The following TRERF1 variants were observed in gnomAD, a reference collection of about 807,000 sequenced individuals.
The protein encoded by TRERF1 is transcriptional regulating factor 1, also known as transcriptional-regulating factor 1.
A neutral mutation model predicts 122.9 loss-of-function variants in TRERF1; 27 were observed. The ratio of observed to expected loss-of-function variants is 0.22; its 90% CI spans 0.16 to 0.30. The LOEUF is 0.30. TRERF1 is among the 10% of genes least tolerant of loss of function. The pLI is 1.00. For synonymous variants in TRERF1, 636 were observed against 641.7 expected, an observed-to-expected ratio of 0.99 and a Z score of 0.13; for missense variants, 1,248 against 1,560.3, an observed-to-expected ratio of 0.80 and a Z score of 3.37.
At chr6:42,282,316 G>A (rs538636276) in intron 4 of TRERF1, among the ~76,000 whole-genome samples, 1 of 152,214 alleles carries the variant, frequency 6.6e-6, no homozygotes, top group Non-Finnish European at 1.5e-5. Flanking sequence ...GGGAGGATGA[G>A]GCAGGAGGAT....
At chr6:42,258,636 G>A (rs1384504324) in intron 9 of TRERF1, among the ~76,000 whole-genome samples, 3 of 152,172 alleles carry the variant, frequency 2.0e-5, no homozygotes, top group South Asian at 2.1e-4. Context: ...GTGCTGTGGC[G>A]CGATGTCGGC....
chr6:42,241,837 G>A (rs1280889332), intron 15 of TRERF1, among the ~76,000 whole-genome samples: 2 of 152,198 alleles, frequency 1.3e-5, no homozygotes, highest in Admixed American at 6.5e-5. Context: ...GGGTGAGCCT[G>A]TAATCCCAGC....
At chr6:42,301,409 T>C (rs1786170025) in intron 3 of TRERF1, among the ~76,000 whole-genome samples, 1 of 152,154 alleles carries the variant, frequency 6.6e-6, no homozygotes, top group Non-Finnish European at 1.5e-5. Context: ...TTTGTATTTT[T>C]AGTAGAGACG....
rs202157152 is a variant in TRERF1 at position 42,377,726 on chromosome 6, G to A, written c.-453-14647C>T. Reference sequence around the variant, plus strand: ...GTTGTACGGATTTTCCAAACGCACAGTGGCTCAGGATAGCAGCCCTGAATC... The same window carrying A: ...GTTGTACGGATTTTCCAAACGCACAATGGCTCAGGATAGCAGCCCTGAATC... On this transcript the variant is annotated intron_variant, in intron 2 of 17. Coordinates refer to ENST00000372922, the Ensembl canonical transcript of TRERF1. Among the ~76,000 whole-genome samples the A allele has an allele frequency of 2.0e-5, 3 of 152,156 alleles. No individual in the cohort carries two copies. The East Asian group carries it at 5.8e-4, about 29-fold the overall frequency.
chr6:42,351,002 AAC>A (rs140072376), intron 3 of TRERF1, among the ~76,000 whole-genome samples: 20 of 149,404 alleles, frequency 1.3e-4, no homozygotes, highest in Admixed American at 2.7e-4. Context: ...CACACACACA[AAC>A]ACACACACAC....
chr6:42,261,423 A>G (rs1473694165), intron 8 of TRERF1, among the ~76,000 whole-genome samples: 1 of 152,126 alleles, frequency 6.6e-6, no homozygotes, highest in Admixed American at 6.5e-5. Flanking sequence ...GCCACCCAGG[A>G]TGTCATATAT....
intron 2 of TRERF1, among the ~76,000 whole-genome samples, chr6:42,381,028 G>T (rs1355855102): frequency 6.6e-6 from 1 of 152,212 alleles, no homozygotes; most frequent in Non-Finnish European, 1.5e-5. Context: ...CTTCCATCAG[G>T]CTGGATAAGC....
chr6:42,408,310 C>CACA (rs1780580423), intron 2 of TRERF1, among the ~76,000 whole-genome samples: 2 of 96,744 alleles, frequency 2.1e-5, no homozygotes, highest in Non-Finnish European at 3.9e-5. Context: ...TATATACATA[C>CACA]TCATGTGTGT....
chr6:42,410,395 CCT>C (rs1456900373), intron 2 of TRERF1, among the ~76,000 whole-genome samples: 8 of 152,262 alleles, frequency 5.3e-5, no homozygotes, highest in Admixed American at 1.3e-4. Context: ...GCAATCCTCC[CCT>C]GTCAGGTTCC....
chr6:42,283,808 G>A (rs1782730826), intron 4 of TRERF1, among the ~76,000 whole-genome samples: 1 of 151,698 alleles, frequency 6.6e-6, no homozygotes, highest in African/African-American at 2.4e-5. Flanking sequence ...TAGAGACGGG[G>A]TTTCTCCATG....
At chr6:42,270,205 G>GTA (rs201515702) in intron 4 of TRERF1, among the ~76,000 whole-genome samples, 43 of 151,686 alleles carry the variant, frequency 2.8e-4, no homozygotes, top group African/African-American at 8.7e-4. Context: ...CTGTGTGTGT[G>GTA]TATATATATA....
At chr6:42,416,894 T>G (rs12661944) in intron 2 of TRERF1, among the ~76,000 whole-genome samples, 2 of 152,198 alleles carry the variant, frequency 1.3e-5, no homozygotes, top group African/African-American at 4.8e-5. Context: ...TCTGGGTTTT[T>G]TGTGTGTGTT....
rs1403703176 is a variant in TRERF1, at chr6:42,393,034, G to A, written c.-453-29955C>T. Among the ~76,000 whole-genome samples the A allele has an allele frequency of 6.6e-6, 1 of 152,202 alleles. No homozygotes were observed. The highest frequency in any genetic ancestry group is 1.5e-5 in the Non-Finnish European group (1 of 68,028). ...TGCCGACGCGAGGGCCACTGGACAT[G>A]GAGTTGGGAAGAGACATGCACAGTT... is the stretch of plus-strand genomic sequence containing the variant. On this transcript the variant is annotated intron_variant, in intron 2 of 17. Coordinates refer to ENST00000372922, the Ensembl canonical transcript of TRERF1. The surrounding 1 kb of genome is among the most constrained non-coding windows in gnomAD (Gnocchi z 4.1).
intron 3 of TRERF1, among the ~76,000 whole-genome samples, chr6:42,327,534 A>G (rs1324467155): frequency 1.3e-5 from 2 of 152,176 alleles, no homozygotes; most frequent in East Asian, 3.8e-4. Context: ...TACTGAATAG[A>G]TAACTCCGAG....
At position 42,263,065 on chromosome 6, in the gene TRERF1, T is replaced by G. The variant is rs1778512184; in HGVS notation, c.1884+255A>C. ...CTTTCGGGTCTCTCAGAATCTAACC[T>G]AGGCCATTAGTTTGGCATTTAATGG... On this transcript the variant is annotated intron_variant, in intron 8 of 17. Coordinates refer to ENST00000372922, the Ensembl canonical transcript of TRERF1. This position sits in a 1 kb window ranked among gnomAD's most constrained non-coding sequence, Gnocchi z 5.6. 6.6e-6 allele frequency among the ~76,000 whole-genome samples: 1 copy of G among 152,202 alleles called. No individual in the cohort carries two copies.
intron 3 of TRERF1, among the ~76,000 whole-genome samples, chr6:42,329,156 G>C (rs1404691248): frequency 6.6e-6 from 1 of 151,694 alleles, no homozygotes. Flanking sequence ...GGTCCAACTC[G>C]TCTTGTCCTC....
intron 13 of TRERF1, among the ~76,000 whole-genome samples, chr6:42,248,466 C>T (rs1472036216): frequency 6.6e-6 from 1 of 151,904 alleles, no homozygotes; most frequent in Non-Finnish European, 1.5e-5. Flanking sequence ...GATTGTCTTG[C>T]CTCAGCCTCC....
chr6:42,277,473 TC>T (rs1781355135), intron 4 of TRERF1, among the ~76,000 whole-genome samples: 1 of 152,174 alleles, frequency 6.6e-6, no homozygotes, highest in Non-Finnish European at 1.5e-5. Context: ...TACAGGTTTG[TC>T]CCGCAGCAGT....
chr6:42,339,744 G>C (rs1305014440), intron 3 of TRERF1, among the ~76,000 whole-genome samples: 2 of 152,212 alleles, frequency 1.3e-5, no homozygotes, highest in African/African-American at 4.8e-5. Context: ...TAGCTCTCCT[G>C]AGAACAGATG....
Sources: gnomAD v4.1 joint callset for allele counts (sites outside exome capture counted in the v4.1 genomes callset) on GRCh38, gnomAD v4.1.1 for gene constraint, Gnocchi (gnomAD v3.1) non-coding constraint, MANE v1.5 for transcripts, NCBI Gene and HGNC (gene_info 2026-07-23, HGNC 2026-07-21) for gene names.